The following STXBP5L variants were observed in gnomAD, a reference collection of about 807,000 sequenced individuals.
The protein encoded by STXBP5L is syntaxin-binding protein 5-like.
STXBP5L carries 65 observed loss-of-function variants against 144.5 expected under a neutral mutation model. The observed-to-expected ratio is 0.45, with a 90% CI of 0.37 to 0.55. STXBP5L has a LOEUF of 0.55. STXBP5L is among the 20% of genes least tolerant of loss of function. The pLI is 0.00. For missense variants in STXBP5L, 1,298 were observed against 1,405.5 expected, an observed-to-expected ratio of 0.92 and a Z score of 1.22; for synonymous variants, 505 against 469.6, an observed-to-expected ratio of 1.08 and a Z score of -0.97.
chr3:121,034,091 GA>G (rs575644010), intron 3 of STXBP5L, among the ~76,000 whole-genome samples: 245 of 152,128 alleles, frequency 1.6e-3, no homozygotes, highest in Non-Finnish European at 2.9e-3. Flanking sequence ...GTAGCAAATG[GA>G]GGTTAGTGAT....
intron 20 of STXBP5L, among the ~76,000 whole-genome samples, chr3:121,318,925 C>G (rs923070109): frequency 6.6e-6 from 1 of 152,050 alleles, no homozygotes; most frequent in Admixed American, 6.5e-5. Context: ...GCAAATGATA[C>G]CATTCCTCTA....
At chr3:121,373,007 T>G (rs562512346) in intron 20 of STXBP5L, among the ~76,000 whole-genome samples, 1 of 152,330 alleles carries the variant, frequency 6.6e-6, no homozygotes, top group South Asian at 2.1e-4. Context: ...TGACGTTGCT[T>G]AATATATCCA....
intron 18 of STXBP5L, 142 bp downstream of exon 18, chr3:121,259,310 T>G: frequency 1.6e-6 from 1 of 618,120 alleles, no homozygotes; most frequent in African/African-American, 1.9e-5. Context: ...AGAAAAATAA[T>G]TTAAATTTAC....
chr3:121,357,997 A>G (rs2108631259), intron 20 of STXBP5L: 1 of 152,234 alleles, frequency 6.6e-6, no homozygotes, highest in East Asian at 1.9e-4. Context: ...TTGTGGGTGC[A>G]TTGTGGTTGT....
chr3:121,051,677 C>G (rs1019981771), intron 5 of STXBP5L, among the ~76,000 whole-genome samples: 2 of 151,986 alleles, frequency 1.3e-5, no homozygotes, highest in Non-Finnish European at 2.9e-5. Context: ...ATTAATAGAA[C>G]TAGAGAAGCA....
chr3:121,257,055 A>G, intron 16 of STXBP5L, 106 bp from the exon 17 acceptor site: 1 of 876,254 alleles, frequency 1.1e-6, no homozygotes, highest in Non-Finnish European at 1.7e-6. Flanking sequence ...ATGATTCCTA[A>G]AAAGTTATCA....
chr3:121,120,329 T>C (rs2044402782), intron 6 of STXBP5L, among the ~76,000 whole-genome samples: 1 of 151,292 alleles, frequency 6.6e-6, no homozygotes, highest in South Asian at 2.1e-4. Context: ...ATAAATGATA[T>C]GTTACATATA....
At chr3:121,005,092 A>T (rs933748161) in intron 3 of STXBP5L, among the ~76,000 whole-genome samples, 5 of 151,976 alleles carry the variant, frequency 3.3e-5, no homozygotes, top group Non-Finnish European at 4.4e-5. Flanking sequence ...GATTCCCTCT[A>T]TTTCTATTGA....
intron 9 of STXBP5L, among the ~76,000 whole-genome samples, chr3:121,168,641 A>G (rs1047593820): frequency 6.6e-5 from 10 of 152,286 alleles, no homozygotes; most frequent in Middle Eastern, 3.4e-3. Flanking sequence ...AGATTAGAGA[A>G]AAAAGAATGA....
At chr3:120,924,321 A>G (rs1272661813) in intron 2 of STXBP5L, among the ~76,000 whole-genome samples, 2 of 152,216 alleles carry the variant, frequency 1.3e-5, no homozygotes, top group Non-Finnish European at 2.9e-5. Flanking sequence ...ATTTTAAAGT[A>G]TTGATTTAGT....
chr3:121,061,439 G>A (rs1235631319), intron 5 of STXBP5L, among the ~76,000 whole-genome samples: 1 of 152,156 alleles, frequency 6.6e-6, no homozygotes, highest in Non-Finnish European at 1.5e-5. Context: ...TGAGGTGAAA[G>A]CATATTCTCT....
intron 20 of STXBP5L, among the ~76,000 whole-genome samples, chr3:121,320,946 G>C (rs570173094): frequency 6.6e-6 from 1 of 151,996 alleles, no homozygotes; most frequent in East Asian, 1.9e-4. Context: ...TGATCTGCCC[G>C]CCTCGGCCTC....
Position 121,180,839 on chromosome 3 carries a change from C to A in STXBP5L, c.877+23212C>A, listed in dbSNP as rs574123691. Among the ~76,000 whole-genome samples, 20 of 152,050 alleles carry A rather than the reference C, an allele frequency of 1.3e-4. No individual in the cohort carries two copies. In the East Asian group the frequency reaches 3.1e-3, roughly 24 times the overall value. On this transcript the variant is annotated intron_variant, in intron 9 of 26. Coordinates refer to ENST00000471454, the MANE Select transcript of STXBP5L (RefSeq NM_001308330.2). ...AGTGAGCCAAAATCGTGCCATTGCA[C>A]TCCAGCCTGGACAACAAGAGTGAAA...
At chr3:121,369,132 T>C (rs2045953600) in intron 20 of STXBP5L, among the ~76,000 whole-genome samples, 1 of 152,164 alleles carries the variant, frequency 6.6e-6, no homozygotes, top group African/African-American at 2.4e-5. Flanking sequence ...TGGCAGGGGA[T>C]TGGGAGTGGG....
rs2047158120 is a variant in STXBP5L, at chr3:121,413,143, CT to C, written c.2949-9del. On this transcript the variant is annotated splice_polypyrimidine_tract_variant and intron_variant, in intron 23 of 26. Transcript: ENST00000471454. The stretch of plus-strand genomic sequence containing the variant: ...AACCTGCATATGATATATGGATTTA[CT>C]TTTTTCCATTCAGCCTACCTAGTCT... 3 of 1,554,002 alleles carry C rather than the reference CT, an allele frequency of 1.9e-6. No individual in the cohort carries two copies. Among genetic ancestry groups the C allele is most frequent in the East Asian group, 2.3e-5 (1 of 42,760 alleles).
chr3:121,241,519 C>T (rs1161288147), intron 14 of STXBP5L, among the ~76,000 whole-genome samples: 1 of 151,944 alleles, frequency 6.6e-6, no homozygotes, highest in Non-Finnish European at 1.5e-5. Flanking sequence ...TAATGAGGTA[C>T]CCCCAACTTC....
At chr3:121,060,140 C>T (rs1445474226) in intron 5 of STXBP5L, among the ~76,000 whole-genome samples, 4 of 151,974 alleles carry the variant, frequency 2.6e-5, no homozygotes, top group African/African-American at 4.8e-5. Flanking sequence ...TTTTGAGATA[C>T]GTTCCATCAG....
intron 19 of STXBP5L, among the ~76,000 whole-genome samples, chr3:121,293,843 A>G (rs1051404391): frequency 6.6e-6 from 1 of 152,236 alleles, no homozygotes; most frequent in Non-Finnish European, 1.5e-5. Flanking sequence ...CTTGGGCAAC[A>G]AGAGCAAAAC....
At chr3:120,950,368 A>G (rs189249334) in intron 2 of STXBP5L, among the ~76,000 whole-genome samples, 21 of 152,202 alleles carry the variant, frequency 1.4e-4, no homozygotes, top group African/African-American at 4.8e-4. Context: ...TTTCCGTTCC[A>G]TTAATCTATA....
Sources: allele counts gnomAD v4.1 joint callset (sites outside exome capture counted in the v4.1 genomes callset), GRCh38; gene constraint gnomAD v4.1.1; transcripts MANE v1.5; gene names NCBI Gene and HGNC (gene_info 2026-07-23, HGNC 2026-07-21).